The following ZNF704 variants were observed in gnomAD, a reference collection of about 807,000 sequenced individuals.
ZNF704 encodes the protein zinc finger protein 704.
ZNF704 carries 10 observed loss-of-function variants against 44.7 expected under a neutral mutation model. The ratio of observed to expected loss-of-function variants is 0.22; its 90% CI spans 0.14 to 0.38. The LOEUF (loss-of-function observed/expected upper bound fraction) is 0.38. Among genes scored for constraint, ZNF704 ranks in the 10% least tolerant of loss-of-function variants. The pLI is 1.00. For missense variants in ZNF704, 390 were observed against 545.5 expected (o/e 0.71, Z 2.84); for synonymous variants, 211 against 207.6 (o/e 1.02, Z -0.14).
At chr8:80,765,581 G>A (rs1022294803) in intron 2 of ZNF704, among the ~76,000 whole-genome samples, 10 of 152,128 alleles carry the variant, frequency 6.6e-5, no homozygotes, top group African/African-American at 1.4e-4. Flanking sequence ...GCATATAGCC[G>A]AAAACTCACA....
chr8:80,701,359 C>T (rs1818807422), intron 2 of ZNF704, among the ~76,000 whole-genome samples: 1 of 151,934 alleles, frequency 6.6e-6, no homozygotes, highest in African/African-American at 2.4e-5. Flanking sequence ...CTCCTGCCAA[C>T]CCAAGCAGCA....
intron 2 of ZNF704, among the ~76,000 whole-genome samples, chr8:80,764,366 C>T (rs369530260): frequency 1.6e-4 from 25 of 152,238 alleles, no homozygotes; most frequent in Admixed American, 3.9e-4. Context: ...CTTTGCATGA[C>T]GGCAAGAGAG....
chr8:80,753,768 C>T (rs1806988881), intron 2 of ZNF704, among the ~76,000 whole-genome samples: 1 of 152,166 alleles, frequency 6.6e-6, no homozygotes, highest in African/African-American at 2.4e-5. Context: ...CTGTCAGCTT[C>T]CACAAACATG....
Position 80,629,545 on chromosome 8 carries a change from G to A in ZNF704, c.*11821C>T, listed in dbSNP as rs1046548592. ...AAGATATTTTTTCAGGCTGAGTAATGTAGTAAAGCACTGATTAAAGAGCGA... is the reference window on the plus strand; with the variant it reads ...AAGATATTTTTTCAGGCTGAGTAATATAGTAAAGCACTGATTAAAGAGCGA... On this transcript the variant is annotated 3_prime_UTR_variant, in exon 9 of 9. Transcript: ENST00000327835. 4 of 152,166 alleles carry A rather than the reference G, an allele frequency of 2.6e-5. No homozygotes were observed. The highest frequency in any genetic ancestry group is 4.4e-5 in the Non-Finnish European group (3 of 68,028). 9.4% of individuals were successfully genotyped at this position (152,166 alleles called of 1,614,324 possible).
chr8:80,739,776 G>A (rs777174241), intron 2 of ZNF704, among the ~76,000 whole-genome samples: 16 of 152,076 alleles, frequency 1.1e-4, no homozygotes, highest in South Asian at 4.2e-4. Flanking sequence ...CTTCCAGTGC[G>A]GTCTACAAGG....
intron 1 of ZNF704, among the ~76,000 whole-genome samples, chr8:80,866,722 G>GA (rs1554589069): frequency 1.6e-5 from 2 of 123,270 alleles, no homozygotes; most frequent in Non-Finnish European, 3.6e-5. Context: ...TTGCGGGGTT[G>GA]GGGGGGGGAT....
upstream of ZNF704, among the ~76,000 whole-genome samples, chr8:80,875,178 C>G (rs144435396): frequency 7.4e-3 from 1,128 of 152,264 alleles, 13 homozygotes; most frequent in South Asian, 0.029. Context: ...AAGCACATAA[C>G]ATGACTAATT....
At position 80,821,115 on chromosome 8, in the gene ZNF704, C is replaced by T. The variant is rs145233568; in HGVS notation, c.221+259G>A. Among the ~76,000 whole-genome samples, 612 of 152,282 alleles carry T rather than the reference C, an allele frequency of 4.0e-3. 5 individuals carry two copies. Among genetic ancestry groups the T allele is most frequent in the African/African-American group, 0.014 (584 of 41,560 alleles). The stretch of plus-strand genomic sequence containing the variant: ...CTAATTTTTTGCATTTATTCCTTTG[C>T]TCTTTATTATTCATTTATTAAAATT... On this transcript the variant is annotated intron_variant, in intron 2 of 8. Coordinates refer to ENST00000327835, the MANE Select transcript of ZNF704 (RefSeq NM_001033723.3).
At chr8:80,662,172 A>T (rs916793469) in intron 6 of ZNF704, among the ~76,000 whole-genome samples, 1 of 152,162 alleles carries the variant, frequency 6.6e-6, no homozygotes, top group African/African-American at 2.4e-5. Flanking sequence ...TACAGTAAAA[A>T]CAGTTCTGCA....
intron 2 of ZNF704, among the ~76,000 whole-genome samples, chr8:80,819,520 A>G (rs924745658): frequency 6.6e-6 from 1 of 151,950 alleles, no homozygotes; most frequent in Admixed American, 6.6e-5. Context: ...AACTGACACT[A>G]GAAGTCTAAC....
At position 80,744,563 on chromosome 8, in the gene ZNF704, C is replaced by T. The variant is rs527368894; in HGVS notation, c.222-51456G>A. Among the ~76,000 whole-genome samples, 14 of 152,226 alleles carry T rather than the reference C, an allele frequency of 9.2e-5. No homozygotes were observed. The East Asian group carries it at 2.1e-3, about 23-fold the overall frequency. On this transcript the variant is annotated intron_variant, in intron 2 of 8. Transcript: ENST00000327835. ...AATTTCAAATATCCATTCAAAAAAT[C>T]GTGTCATCCCTGCTAAGTTTGTCAT...
At chr8:80,773,148 G>T (rs900688273) in intron 2 of ZNF704, among the ~76,000 whole-genome samples, 2 of 152,084 alleles carry the variant, frequency 1.3e-5, no homozygotes, top group African/African-American at 2.4e-5. Context: ...ATCTTCTGAG[G>T]TTTGTATTAA....
chr8:80,871,489 G>C (rs536189872), intron 1 of ZNF704, among the ~76,000 whole-genome samples: 1 of 152,124 alleles, frequency 6.6e-6, no homozygotes, highest in Admixed American at 6.5e-5. Flanking sequence ...TTCTTCCTTT[G>C]AAACTCTAAG....
chr8:80,808,967 C>T (rs969550263), intron 2 of ZNF704, among the ~76,000 whole-genome samples: 3 of 152,150 alleles, frequency 2.0e-5, no homozygotes, highest in African/African-American at 7.2e-5. Flanking sequence ...TCCCGAAGAA[C>T]AAAAATACAG....
At chr8:80,843,971 G>GTATATATATGTGTA (rs1220682769) in intron 1 of ZNF704, among the ~76,000 whole-genome samples, 3 of 143,280 alleles carry the variant, frequency 2.1e-5, no homozygotes, top group Non-Finnish European at 3.1e-5. Context: ...ATATATATGT[G>GTATATATATGTGTA]TATATATATA....
intron 1 of ZNF704, among the ~76,000 whole-genome samples, chr8:80,847,749 A>T (rs891969708): frequency 2.0e-5 from 3 of 151,904 alleles, no homozygotes; most frequent in Non-Finnish European, 2.9e-5. Context: ...GAAGCATTGA[A>T]CCTCCATAGG....
At chr8:80,683,054 C>T (rs966465045) in intron 4 of ZNF704, among the ~76,000 whole-genome samples, 1 of 152,112 alleles carries the variant, frequency 6.6e-6, no homozygotes, top group Non-Finnish European at 1.5e-5. Context: ...ACTCTTTGGC[C>T]TTCCATAGAA....
chr8:80,739,283 G>A (rs955717060), intron 2 of ZNF704, among the ~76,000 whole-genome samples: 6 of 152,144 alleles, frequency 3.9e-5, no homozygotes, highest in Admixed American at 6.5e-5. Context: ...GTGCTCAGAT[G>A]GCTCAGGGAT....
intron 1 of ZNF704, among the ~76,000 whole-genome samples, chr8:80,838,732 T>TGGA (rs140901931): frequency 0.17 from 21,998 of 127,862 alleles, 2,079 homozygotes; most frequent in African/African-American, 0.28. Context: ...GAGCAGACAC[T>TGGA]GGAGGAGGAG....
Sources: allele counts gnomAD v4.1 joint callset (sites outside exome capture counted in the v4.1 genomes callset), GRCh38; gene constraint gnomAD v4.1.1; transcripts MANE v1.5; gene names NCBI Gene and HGNC (gene_info 2026-07-23, HGNC 2026-07-21).